MTOR: variants seen among roughly 807,000 people sequenced by gnomAD.
The protein encoded by MTOR is serine/threonine-protein kinase mTOR.
A neutral mutation model predicts 319.8 loss-of-function variants in MTOR; 70 were observed. The ratio of observed to expected loss-of-function variants is 0.22; its 90% confidence interval spans 0.18 to 0.27. MTOR has a LOEUF of 0.27. Ranked by LOEUF, MTOR falls within the 10% of genes least tolerant of loss-of-function variation. The pLI is 1.00. For synonymous variants in MTOR, 1,183 were observed against 1,211.4 expected (o/e 0.98, Z 0.49); for missense variants, 1,890 against 3,274.4 (o/e 0.58, Z 10.32).
Position 11,128,263 on chromosome 1 carries a change from G to T in MTOR, c.5911-137C>A. 1 of 1,363,456 alleles carries T rather than the reference G, an allele frequency of 7.3e-7. No individual in the cohort carries two copies. The highest frequency in any genetic ancestry group is 1.0e-6 in the Non-Finnish European group (1 of 994,724). 84.5% of individuals were successfully genotyped at this position (1,363,456 alleles called of 1,614,324 possible). A position where few individuals can be genotyped will look rare whatever the true frequency, so the allele number is the denominator to read the frequency against. On this transcript the variant is annotated intron_variant, in intron 42 of 57. Transcript: ENST00000361445. This position sits in a 1 kb window ranked among gnomAD's most constrained non-coding sequence, Gnocchi z 5.3. ...CTTGAGACTACCAGGAAGGGGCTCA[G>T]TCTTCGAGGGAACGCTTTCTTTTTA...
At chr1:11,206,426 G>A (rs1223666606) in intron 25 of MTOR, among the ~76,000 whole-genome samples, 1 of 152,112 alleles carries the variant, frequency 6.6e-6, no homozygotes, top group East Asian at 1.9e-4. Flanking sequence ...GTTGACACTG[G>A]GCAAATTACT....
At chr1:11,118,574 G>C (rs184083510) in intron 49 of MTOR, among the ~76,000 whole-genome samples, 1 of 150,908 alleles carries the variant, frequency 6.6e-6, no homozygotes. Context: ...TATTACCCAG[G>C]CTGGAGTGTA....
chr1:11,247,381 T>C (rs116203135), intron 8 of MTOR, among the ~76,000 whole-genome samples: 1,999 of 152,294 alleles, frequency 0.013, 30 homozygotes, highest in Non-Finnish European at 0.018. Context: ...CTTGTGAACT[T>C]GTTGGCATCC....
chr1:11,254,351 G>C (rs1220170549), intron 5 of MTOR, among the ~76,000 whole-genome samples: 1 of 152,072 alleles, frequency 6.6e-6, no homozygotes, highest in Non-Finnish European at 1.5e-5. Flanking sequence ...TGTTAACCAG[G>C]CTGGTCTCAA....
At chr1:11,131,175 G>A (rs12732063) in intron 38 of MTOR, 7,098 of 228,336 alleles carry the variant, frequency 0.031, 161 homozygotes, top group Non-Finnish European at 0.043. Context: ...GGTAGGTCTG[G>A]AAGAGAGCTG....
intron 19 of MTOR, among the ~76,000 whole-genome samples, chr1:11,222,229 C>T (rs969317529): frequency 6.0e-5 from 9 of 150,784 alleles, no homozygotes; most frequent in East Asian, 3.9e-4. Flanking sequence ...CGGAGTCTCG[C>T]TCTGTCACCC....
intron 19 of MTOR, chr1:11,226,221 T>C (rs531248026): frequency 1.3e-5 from 2 of 152,290 alleles, no homozygotes; most frequent in East Asian, 3.9e-4. Context: ...ATTCTCTTTA[T>C]ATGAGAATAT....
chr1:11,255,988 T>C lies in MTOR; in HGVS notation c.705+4A>G, dbSNP rs1481092999. 2.5e-6 allele frequency: 4 copies of C among 1,613,268 alleles called. No individual in the cohort carries two copies. The highest frequency in any genetic ancestry group is 3.4e-6 in the Non-Finnish European group (4 of 1,179,702). On this transcript the variant is annotated splice_donor_region_variant and intron_variant, in intron 5 of 57. Coordinates refer to ENST00000361445, the MANE Select transcript of MTOR (RefSeq NM_004958.4). Reference sequence around the variant, plus strand: ...TAGTGGTGGGAATGGAGCCATCTCCTTACCCTGTACCACTGAGGCTTCTGC... The same window carrying C: ...TAGTGGTGGGAATGGAGCCATCTCCCTACCCTGTACCACTGAGGCTTCTGC...
rs1459793568 is a variant in MTOR, at chr1:11,109,073, G to A, written c.7528+217C>T. Among the ~76,000 whole-genome samples the A allele has an allele frequency of 1.3e-5, 2 of 152,190 alleles. No homozygotes were observed. Among genetic ancestry groups the A allele is most frequent in the African/African-American group, 4.8e-5 (2 of 41,444 alleles). The stretch of plus-strand genomic sequence containing the variant: ...CAAAAGAAATTTATTCACCTCCTGA[G>A]TTAAATGAGATTAAACTAACATTAA... On this transcript the variant is annotated intron_variant, in intron 56 of 57. Transcript: ENST00000361445. This position sits in a 1 kb window ranked among gnomAD's most constrained non-coding sequence, Gnocchi z 4.0.
intron 8 of MTOR, among the ~76,000 whole-genome samples, chr1:11,246,796 A>T (rs1648890320): frequency 6.6e-6 from 1 of 152,248 alleles, no homozygotes; most frequent in South Asian, 2.1e-4. Flanking sequence ...GAGAGGTAAG[A>T]CAAGGACATT....
intron 19 of MTOR, among the ~76,000 whole-genome samples, chr1:11,227,602 G>A (rs1196835213): frequency 1.3e-5 from 2 of 150,482 alleles, no homozygotes; most frequent in African/African-American, 2.4e-5. Flanking sequence ...TAGTAGTAGG[G>A]ACATATAATC....
chr1:11,197,385 T>C (rs1465847825), intron 28 of MTOR, among the ~76,000 whole-genome samples: 1 of 151,732 alleles, frequency 6.6e-6, no homozygotes, highest in Non-Finnish European at 1.5e-5. Context: ...AAATCAGAAG[T>C]AAAAACTGCA....
intron 49 of MTOR, among the ~76,000 whole-genome samples, chr1:11,117,429 G>A (rs551990465): frequency 2.0e-5 from 3 of 152,244 alleles, no homozygotes; most frequent in East Asian, 1.9e-4. Flanking sequence ...CCAAAATGCT[G>A]GGATCACAGG....
Position 11,159,216 on chromosome 1 carries a change from T to C in MTOR, c.4330-1925A>G, listed in dbSNP as rs542163206. 9.9e-5 allele frequency among the ~76,000 whole-genome samples: 15 copies of C among 152,280 alleles called. No individual in the cohort carries two copies. In the South Asian group the frequency reaches 2.9e-3, roughly 29 times the overall value. Reference sequence around the variant, plus strand: ...AAAGGAGAGAACATCTTGATCTAGGTGGAGTACATGAAGTGCCCTCTCGCC... The same window carrying C: ...AAAGGAGAGAACATCTTGATCTAGGCGGAGTACATGAAGTGCCCTCTCGCC... On this transcript the variant is annotated intron_variant, in intron 29 of 57. Coordinates refer to ENST00000361445, the MANE Select transcript of MTOR (RefSeq NM_004958.4).
In MTOR at chr1:11,217,232, A is replaced by C. The variant is rs534301508; in HGVS notation, c.3031-998T>G. Among the ~76,000 whole-genome samples the C allele has an allele frequency of 5.9e-5, 9 of 152,300 alleles. No individual in the cohort carries two copies. The South Asian group carries it at 1.9e-3, about 32-fold the overall frequency. On this transcript the variant is annotated intron_variant, in intron 19 of 57. Transcript: ENST00000361445. ...TTAGGTGTAGGAAGAAAAAACATGC[A>C]CTAAATAAAGCTGGGAATAAGGAAG...
intron 19 of MTOR, among the ~76,000 whole-genome samples, chr1:11,217,546 G>A (rs1260438731): frequency 1.3e-5 from 2 of 150,188 alleles, no homozygotes; most frequent in Non-Finnish European, 3.0e-5. Flanking sequence ...GACTACAGGC[G>A]CCCGCCACCA....
intron 26 of MTOR, among the ~76,000 whole-genome samples, chr1:11,203,373 A>C (rs1557839398): frequency 6.6e-6 from 1 of 152,198 alleles, no homozygotes; most frequent in Non-Finnish European, 1.5e-5. Flanking sequence ...ATGTACATCT[A>C]TTATGTATCA....
chr1:11,230,811 C>T (rs1034973295), intron 18 of MTOR, 114 bp downstream of exon 18: 29 of 1,419,926 alleles, frequency 2.0e-5, no homozygotes, highest in South Asian at 5.2e-5. Context: ...AGTTGCTACA[C>T]GAGCCAATAT....
rs192441049 is a variant in MTOR, at chr1:11,220,855, T to C, written c.3031-4621A>G. The stretch of plus-strand genomic sequence containing the variant: ...CCACTAAATTTGTGGTAATCTGTTA[T>C]AGCAGCAATAGGAAATAATAAAGGA... On this transcript the variant is annotated intron_variant, in intron 19 of 57. Coordinates refer to ENST00000361445, the MANE Select transcript of MTOR (RefSeq NM_004958.4). 1.1e-4 allele frequency among the ~76,000 whole-genome samples: 17 copies of C among 152,210 alleles called. No homozygotes were observed. The East Asian group carries it at 3.3e-3, about 29-fold the overall frequency.
Sources: gnomAD v4.1 joint callset for allele counts (sites outside exome capture counted in the v4.1 genomes callset) on GRCh38, gnomAD v4.1.1 for gene constraint, Gnocchi (gnomAD v3.1) non-coding constraint, MANE v1.5 for transcripts, NCBI Gene and HGNC (gene_info 2026-07-23, HGNC 2026-07-21) for gene names.